The following MTRF1 variants were observed in gnomAD, a reference collection of about 807,000 sequenced individuals.
MTRF1 encodes mitochondrial translation release factor 1, also known as peptide chain release factor 1, mitochondrial.
In MTRF1, 51 loss-of-function variants were observed where a neutral mutation model predicts 62.9. That is an observed-to-expected ratio of 0.81 (90% CI 0.65 to 1.02). The LOEUF (loss-of-function observed/expected upper bound fraction) is 1.02, where lower values mean the gene tolerates loss of function less well. Among genes scored for constraint, MTRF1 ranks in the 50% least tolerant of loss-of-function variants. The probability of loss-of-function intolerance (pLI) is 0.00; values close to 1 mark genes in which losing one functional copy is unlikely to be tolerated. For missense variants in MTRF1, 446 were observed against 530.0 expected (o/e 0.84, Z 1.56); for synonymous variants, 158 against 181.9 (o/e 0.87, Z 1.06).
the MTRF1 span, chr13:41,311,079 G>A: frequency 1.5e-3 from 345 of 224,372 alleles, 5 homozygotes; most frequent in East Asian, 0.021. Context: ...GGGACTCCAA[G>A]GTTTTGGTGA....
At chr13:41,260,283 C>A (rs1351987154) in intron 2 of MTRF1, among the ~76,000 whole-genome samples, 1 of 151,458 alleles carries the variant, frequency 6.6e-6, no homozygotes, top group Non-Finnish European at 1.5e-5. Flanking sequence ...GGGGCCAGGA[C>A]TTACAGGTTA....
chr13:41,233,695 G>A (rs139016708), intron 7 of MTRF1, among the ~76,000 whole-genome samples, 195 bp downstream of exon 7: 44 of 152,230 alleles, frequency 2.9e-4, no homozygotes, highest in Admixed American at 8.5e-4. Flanking sequence ...TCTGCTCACC[G>A]TCTGCATCTT....
At chr13:41,309,061 C>CT in the MTRF1 span, among the ~76,000 whole-genome samples, 3 of 152,266 alleles carry the variant, frequency 2.0e-5, no homozygotes, top group African/African-American at 4.8e-5. Context: ...TGGTCTCATT[C>CT]TTTTTTGTGG....
At chr13:41,308,689 A>G in the MTRF1 span, among the ~76,000 whole-genome samples, 4 of 152,314 alleles carry the variant, frequency 2.6e-5, no homozygotes, top group African/African-American at 9.6e-5. Context: ...CAGAGTACAC[A>G]TAGGCCCTTG....
At chr13:41,306,991 AAACAG>A in the MTRF1 span, among the ~76,000 whole-genome samples, 217 of 152,344 alleles carry the variant, frequency 1.4e-3, 5 homozygotes, top group East Asian at 0.032. Context: ...GTTCCAGACT[AAACAG>A]GAAGTCAGTA....
chr13:41,282,594 G>C, the MTRF1 span, among the ~76,000 whole-genome samples: 1 of 152,210 alleles, frequency 6.6e-6, no homozygotes, highest in Admixed American at 6.5e-5. Flanking sequence ...AATGCTAGTT[G>C]ACTACCTTCC....
the MTRF1 span, chr13:41,288,222 T>C: frequency 4.6e-6 from 2 of 438,244 alleles, no homozygotes; most frequent in African/African-American, 2.0e-5. Context: ...AAGACAATAG[T>C]GATAATGCAT....
rs532945944 is a variant in MTRF1 at position 41,259,965 on chromosome 13, A to G, written c.415+528T>C. On this transcript the variant is annotated intron_variant, in intron 2 of 9. Transcript: ENST00000379480. ...GTATGTGTAGCCCTAGTATGTAGGTACAGTGTTCAATAAAGGTCTGCTCAA... is the reference window on the plus strand; with the variant it reads ...GTATGTGTAGCCCTAGTATGTAGGTGCAGTGTTCAATAAAGGTCTGCTCAA... Among the ~76,000 whole-genome samples, 116 of 152,346 alleles carry G rather than the reference A, an allele frequency of 7.6e-4. 1 individual carries two copies. The highest frequency in any genetic ancestry group is 3.9e-3 in the South Asian group (19 of 4,828).
chr13:41,297,352 T>C, the MTRF1 span, among the ~76,000 whole-genome samples: 1 of 152,194 alleles, frequency 6.6e-6, no homozygotes, highest in African/African-American at 2.4e-5. Flanking sequence ...TGAGTGTTCT[T>C]ACAATCTCCA....
the MTRF1 span, among the ~76,000 whole-genome samples, chr13:41,274,823 A>AT: frequency 2.6e-5 from 4 of 152,146 alleles, no homozygotes; most frequent in South Asian, 8.3e-4. Context: ...ATTAGTAGAG[A>AT]CAGGGTTTCA....
rs1164292123 is a variant in MTRF1 at position 41,233,855 on chromosome 13, A to T, written c.988+35T>A. The T allele has an allele frequency of 2.7e-6, 4 of 1,479,726 alleles. No individual in the cohort carries two copies. In the East Asian group the frequency reaches 9.1e-5, roughly 34 times the overall value. The allele number at this position is 1,479,726 out of a possible 1,614,324, so 91.7% of individuals were successfully genotyped here. A position where few individuals can be genotyped will look rare whatever the true frequency, so the allele number is the denominator to read the frequency against. ...TCCAAATGCTGAGTAAGATGGAAAA[A>T]GGGTTAAAAGTACAAAGCCAAGGGG... is the stretch of plus-strand genomic sequence containing the variant. On this transcript the variant is annotated intron_variant, in intron 7 of 9. Transcript: ENST00000379480.
chr13:41,262,807 T>C (rs1411800434), intron 1 of MTRF1, among the ~76,000 whole-genome samples: 1 of 152,010 alleles, frequency 6.6e-6, no homozygotes. Context: ...AAAAGAAGGA[T>C]CAACATTTAT....
At chr13:41,283,149 C>T in the MTRF1 span, among the ~76,000 whole-genome samples, 2 of 152,158 alleles carry the variant, frequency 1.3e-5, no homozygotes, top group African/African-American at 2.4e-5. Flanking sequence ...ACTATCCATG[C>T]GATGATAGAA....
chr13:41,285,807 G>A, the MTRF1 span, among the ~76,000 whole-genome samples: 3 of 152,084 alleles, frequency 2.0e-5, no homozygotes, highest in Admixed American at 6.6e-5. Flanking sequence ...TGGGCCGGGC[G>A]TGGTGGCTCA....
At chr13:41,286,691 CA>C in the MTRF1 span, among the ~76,000 whole-genome samples, 1 of 152,208 alleles carries the variant, frequency 6.6e-6, no homozygotes, top group Non-Finnish European at 1.5e-5. Context: ...AGTACACCCA[CA>C]ACTAAGAGCA....
At chr13:41,255,184 C>A (rs944856030) in intron 2 of MTRF1, among the ~76,000 whole-genome samples, 4 of 152,052 alleles carry the variant, frequency 2.6e-5, no homozygotes, top group Admixed American at 6.6e-5. Flanking sequence ...TTCTTAAAAT[C>A]TCTTGATACA....
chr13:41,229,899 G>A (rs899974902), intron 7 of MTRF1, among the ~76,000 whole-genome samples: 11 of 152,036 alleles, frequency 7.2e-5, no homozygotes, highest in African/African-American at 9.7e-5. Context: ...TCAGGAGTTC[G>A]AGACCAGCCT....
At position 41,260,491 on chromosome 13, in the gene MTRF1, A is replaced by G. The variant is rs1280916911; in HGVS notation, c.415+2T>C. 2 of 1,609,042 alleles carry G rather than the reference A, an allele frequency of 1.2e-6. No homozygotes were observed. The highest frequency in any genetic ancestry group is 1.7e-6 in the Non-Finnish European group (2 of 1,177,040). On this transcript the variant is annotated splice_donor_variant, in intron 2 of 9. Transcript: ENST00000379480. LOFTEE classifies it high-confidence loss of function. Reference sequence around the variant, plus strand: ...CAGGACACATAAGTATCTTTTACCTACTTTTACACATTGATTCTAATTCTT... The same window carrying G: ...CAGGACACATAAGTATCTTTTACCTGCTTTTACACATTGATTCTAATTCTT...
the MTRF1 span, among the ~76,000 whole-genome samples, chr13:41,273,301 G>A: frequency 1.1e-4 from 16 of 150,794 alleles, no homozygotes; most frequent in Non-Finnish European, 1.8e-4. Context: ...ACTCCAGCCT[G>A]GGCTACAGAG....
Sources: allele counts gnomAD v4.1 joint callset (sites outside exome capture counted in the v4.1 genomes callset), GRCh38; gene constraint gnomAD v4.1.1; transcripts MANE v1.5; gene names NCBI Gene and HGNC (gene_info 2026-07-23, HGNC 2026-07-21).